The following POSTN variants were observed in gnomAD, a reference collection of about 807,000 sequenced individuals.
The protein encoded by POSTN is osteoblast specific factor 2 (fasciclin I-like).
In POSTN, 71 loss-of-function variants were observed where a neutral mutation model predicts 104.5. That is an observed-to-expected ratio of 0.68 (90% confidence interval 0.56 to 0.83). The LOEUF (loss-of-function observed/expected upper bound fraction) is 0.83. Among genes scored for constraint, POSTN ranks in the 40% least tolerant of loss-of-function variants. POSTN has a pLI of 0.00. For synonymous variants in POSTN, 355 were observed against 340.7 expected (o/e 1.04, Z -0.46); for missense variants, 949 against 1,006.8 (o/e 0.94, Z 0.78).
chr13:37,586,393 T>C (rs1185037180), intron 6 of POSTN, 113 bp from the exon 7 acceptor site: 5 of 1,132,340 alleles, frequency 4.4e-6, no homozygotes, highest in Non-Finnish European at 6.2e-6. Context: ...TATAGAGGTT[T>C]GTTGTTGTTA....
chr13:37,580,494 A>G (rs184773865), intron 11 of POSTN, 67 bp downstream of exon 11: 1 of 1,558,392 alleles, frequency 6.4e-7, no homozygotes. Flanking sequence ...CTTTTGGGAT[A>G]CCGCCTATGA....
chr13:37,582,587 A>G lies in POSTN; in HGVS notation c.1244-73T>C, dbSNP rs1950626592. The G allele has an allele frequency of 4.4e-6, 6 of 1,355,140 alleles. No individual in the cohort carries two copies. The South Asian group carries it at 5.7e-5, about 13-fold the overall frequency. The allele number at this position is 1,355,140 out of a possible 1,614,324, so 83.9% of individuals were successfully genotyped here. A position where few individuals can be genotyped will look rare whatever the true frequency, so the allele number is the denominator to read the frequency against. ...TTGAAGTTTCTCCCGGTAAGACAGA[A>G]TCATATAAACAGATAATCCCTGACA... is the stretch of plus-strand genomic sequence containing the variant. On this transcript the variant is annotated intron_variant, in intron 9 of 22. Transcript: ENST00000379747.
intron 3 of POSTN, among the ~76,000 whole-genome samples, chr13:37,591,033 T>C (rs1304388069): frequency 3.3e-5 from 5 of 151,544 alleles, no homozygotes; most frequent in Admixed American, 1.3e-4. Context: ...TAATGTGCAG[T>C]CAACTTATTT....
chr13:37,588,708 C>T (rs1950833393), intron 4 of POSTN, among the ~76,000 whole-genome samples: 1 of 152,038 alleles, frequency 6.6e-6, no homozygotes, highest in Non-Finnish European at 1.5e-5. Flanking sequence ...GCCAAGAGAG[C>T]AAAAGTTGTC....
chr13:37,569,142 A>G, intron 21 of POSTN, 158 bp downstream of exon 21: 1 of 529,228 alleles, frequency 1.9e-6, no homozygotes, highest in Non-Finnish European at 3.4e-6. Flanking sequence ...ATAACTATTA[A>G]CTACCATTGA....
intron 15 of POSTN, 84 bp from the exon 16 acceptor site, chr13:37,577,882 A>G: frequency 6.4e-7 from 1 of 1,567,384 alleles, no homozygotes; most frequent in Admixed American, 1.9e-5. Context: ...TTCTTATTAA[A>G]GTAAAAATAG....
intron 9 of POSTN, among the ~76,000 whole-genome samples, chr13:37,583,443 GTTTT>G (rs5802885): frequency 3.1e-5 from 4 of 127,298 alleles, no homozygotes; most frequent in African/African-American, 1.2e-4. Flanking sequence ...TTTAAGTTTC[GTTTT>G]TTTTTTTTTT....
intron 22 of POSTN, among the ~76,000 whole-genome samples, chr13:37,564,228 A>G (rs1232691721): frequency 8.1e-6 from 1 of 123,052 alleles, no homozygotes; most frequent in Non-Finnish European, 1.7e-5. Flanking sequence ...ATATATATAT[A>G]TGTATGGAGA....
intron 21 of POSTN, 162 bp downstream of exon 21, chr13:37,569,138 A>G: frequency 5.7e-6 from 3 of 522,018 alleles, no homozygotes; most frequent in Admixed American, 7.2e-5. Context: ...CTTCATAACT[A>G]TTAACTACCA....
intron 16 of POSTN, among the ~76,000 whole-genome samples, chr13:37,576,000 G>T (rs1260704903): frequency 6.6e-6 from 1 of 152,062 alleles, no homozygotes; most frequent in African/African-American, 2.4e-5. Context: ...TAAGGAATTT[G>T]ACGTTTTGGA....
chr13:37,582,155 C>T (rs938701507), intron 10 of POSTN, among the ~76,000 whole-genome samples: 4 of 152,178 alleles, frequency 2.6e-5, no homozygotes, highest in African/African-American at 7.2e-5. Flanking sequence ...CATAATGAAA[C>T]ACATGCAAAA....
chr13:37,563,522 A>G, intron 22 of POSTN, 152 bp from the exon 23 acceptor site: 1 of 386,162 alleles, frequency 2.6e-6, no homozygotes, highest in Non-Finnish European at 4.6e-6. Context: ...CTTATGGTGA[A>G]GCAAATATTA....
At chr13:37,595,069 G>A (rs1413831211) in intron 2 of POSTN, among the ~76,000 whole-genome samples, 1 of 144,722 alleles carries the variant, frequency 6.9e-6, no homozygotes, top group Non-Finnish European at 1.5e-5. Flanking sequence ...TTAATGGAAA[G>A]CAAGAAAGAA....
chr13:37,584,702 A>G lies in POSTN; in HGVS notation c.1108+14T>C. ...AGTAAAAAAACAAAAACAAAAACAA[A>G]AAAAGTTGCTTACCAGAATCAGGAA... On this transcript the variant is annotated intron_variant, in intron 8 of 22. Transcript: ENST00000379747. 6.2e-7 allele frequency: 1 copy of G among 1,604,366 alleles called. No individual in the cohort carries two copies. The highest frequency in any genetic ancestry group is 1.1e-5 in the South Asian group (1 of 90,198).
intron 16 of POSTN, among the ~76,000 whole-genome samples, chr13:37,577,460 A>G (rs1352006671): frequency 6.6e-6 from 1 of 152,154 alleles, no homozygotes; most frequent in African/African-American, 2.4e-5. Context: ...TCTTTTCGCC[A>G]TCTCTTCCCT....
Position 37,598,727 on chromosome 13 carries a change from C to T in POSTN, c.-1G>A, listed in dbSNP as rs753429840. 1 of 1,612,632 alleles carries T rather than the reference C, an allele frequency of 6.2e-7. No individual in the cohort carries two copies. The highest frequency in any genetic ancestry group is 1.1e-5 in the South Asian group (1 of 90,988). On this transcript the variant is annotated 5_prime_UTR_variant, in exon 1 of 23. Transcript: ENST00000379747. ...AAAACATGGGTAAAAAGGGAATCAT[C>T]TTGAGTCTCTCCGTTGCAGTTAGTC...
chr13:37,580,775 G>A, intron 10 of POSTN, 78 bp from the exon 11 acceptor site: 4 of 1,577,880 alleles, frequency 2.5e-6, no homozygotes, highest in South Asian at 1.1e-5. Context: ...ACATAATTAA[G>A]TTTCCGGATC....
At chr13:37,569,949 T>C in intron 19 of POSTN, 128 bp from the exon 20 acceptor site, 1 of 646,008 alleles carries the variant, frequency 1.5e-6, no homozygotes, top group Non-Finnish European at 2.7e-6. Flanking sequence ...ACTCTGATAC[T>C]TCAGTGTGAA....
chr13:37,579,815 G>A, intron 12 of POSTN, 46 bp downstream of exon 12: 2 of 1,583,146 alleles, frequency 1.3e-6, no homozygotes, highest in Non-Finnish European at 1.7e-6. Flanking sequence ...AAAGAAGTGA[G>A]ATCCTGAAAT....
Sources: gnomAD v4.1 joint callset for allele counts (sites outside exome capture counted in the v4.1 genomes callset) on GRCh38, gnomAD v4.1.1 for gene constraint, MANE v1.5 for transcripts, NCBI Gene and HGNC (gene_info 2026-07-23, HGNC 2026-07-21) for gene names.